The following S100Z variants were observed in gnomAD, a reference collection of about 807,000 sequenced individuals.
S100Z encodes the protein protein S100-Z.
A neutral mutation model predicts 8.5 loss-of-function variants in S100Z; 11 were observed. The ratio of observed to expected loss-of-function variants is 1.30; its 90% confidence interval spans 0.82 to 2.15. The LOEUF is 2.15. S100Z is among the 30% of genes most tolerant of loss of function. The probability of loss-of-function intolerance (pLI) is 0.00; values close to 1 mark genes in which losing one functional copy is unlikely to be tolerated. For missense variants in S100Z, 126 were observed against 117.9 expected, an observed-to-expected ratio of 1.07 and a Z score of -0.32; for synonymous variants, 34 against 43.8, an observed-to-expected ratio of 0.78 and a Z score of 0.89.
At chr5:76,861,670 A>C (rs1751060649) in intron 1 of S100Z, among the ~76,000 whole-genome samples, 1 of 152,146 alleles carries the variant, frequency 6.6e-6, no homozygotes, top group Non-Finnish European at 1.5e-5. Context: ...CCCCCGTCTC[A>C]GAAGTCACTC....
intron 4 of S100Z, among the ~76,000 whole-genome samples, chr5:76,883,564 G>A (rs1039322359): frequency 4.6e-5 from 7 of 152,250 alleles, no homozygotes; most frequent in Admixed American, 2.0e-4. Context: ...AGAAGGAGAC[G>A]GACTTACCCT....
Position 76,874,610 on chromosome 5 carries a change from C to T in S100Z, c.-56-694C>T, listed in dbSNP as rs547377246. On this transcript the variant is annotated intron_variant, in intron 2 of 4. Coordinates refer to ENST00000317593, the MANE Select transcript of S100Z (RefSeq NM_130772.4). ...GGGGAGAACGTTTCCCCCTCCCCCA[C>T]GTATAAATGCTTATAGTTTAATGGT... Among the ~76,000 whole-genome samples the T allele has an allele frequency of 3.3e-5, 5 of 152,232 alleles. No homozygotes were observed. The South Asian group carries it at 1.0e-3, about 32-fold the overall frequency.
chr5:76,935,573 T>C, the S100Z span, among the ~76,000 whole-genome samples: 1 of 152,076 alleles, frequency 6.6e-6, no homozygotes, highest in Non-Finnish European at 1.5e-5. Context: ...TGAGTGAATA[T>C]TGGGGAACAT....
the S100Z span, among the ~76,000 whole-genome samples, chr5:76,927,217 G>C: frequency 1.3e-5 from 2 of 152,160 alleles, no homozygotes; most frequent in East Asian, 1.9e-4. Context: ...TGTGCTCTGG[G>C]GGAGAGGGAT....
At chr5:76,869,239 G>A (rs771022581) in intron 1 of S100Z, among the ~76,000 whole-genome samples, 1 of 151,838 alleles carries the variant, frequency 6.6e-6, no homozygotes, top group Non-Finnish European at 1.5e-5. Flanking sequence ...GGGAACATAC[G>A]GCAGACAAAA....
chr5:76,931,759 T>A, the S100Z span, among the ~76,000 whole-genome samples: 1 of 152,126 alleles, frequency 6.6e-6, no homozygotes, highest in Non-Finnish European at 1.5e-5. Context: ...AAGAACAAGA[T>A]GAGATCACTT....
chr5:76,915,031 C>G (rs1422932631), intron 4 of S100Z, among the ~76,000 whole-genome samples: 1 of 152,222 alleles, frequency 6.6e-6, no homozygotes, highest in Non-Finnish European at 1.5e-5. Flanking sequence ...TAAGGCCGGG[C>G]ACGGTGGCTC....
chr5:76,877,471 G>A lies in S100Z; in HGVS notation c.142-203G>A, dbSNP rs534404602. ...TTCTTGGTTTCTAGGTCTGAGCCAG[G>A]ATTATATGGAGCTGGGGCAGGGGGC... On this transcript the variant is annotated intron_variant, in intron 3 of 4. Transcript: ENST00000317593. Among the ~76,000 whole-genome samples the A allele has an allele frequency of 7.6e-4, 115 of 152,292 alleles. 1 individual carries two copies. The South Asian group carries it at 0.012, about 16-fold the overall frequency.
the S100Z span, among the ~76,000 whole-genome samples, chr5:76,947,653 G>A: frequency 2.6e-5 from 4 of 152,058 alleles, no homozygotes; most frequent in Admixed American, 6.6e-5. Flanking sequence ...TATGGTACAG[G>A]CATAAAGACA....
intron 4 of S100Z, among the ~76,000 whole-genome samples, chr5:76,885,493 A>G (rs1412569162): frequency 1.7e-5 from 2 of 117,462 alleles, no homozygotes; most frequent in Admixed American, 8.1e-5. Context: ...CCCCCAGGAA[A>G]GTAGGAACGG....
At chr5:76,937,636 C>T in the S100Z span, among the ~76,000 whole-genome samples, 1 of 150,842 alleles carries the variant, frequency 6.6e-6, no homozygotes, top group Non-Finnish European at 1.5e-5. Context: ...ATCTGTGGTC[C>T]CAGCTACTCA....
chr5:76,916,350 GCAA>G (rs1270252496), intron 4 of S100Z, among the ~76,000 whole-genome samples: 1 of 151,984 alleles, frequency 6.6e-6, no homozygotes, highest in African/African-American at 2.4e-5. Flanking sequence ...ATTGAAGACT[GCAA>G]CATCCTTCTC....
At chr5:76,908,501 T>C (rs557329862) in intron 4 of S100Z, among the ~76,000 whole-genome samples, 5 of 152,220 alleles carry the variant, frequency 3.3e-5, no homozygotes, top group Non-Finnish European at 5.9e-5. Context: ...ATGAGAATGA[T>C]TTCTCGTATA....
intron 4 of S100Z, among the ~76,000 whole-genome samples, chr5:76,890,962 A>G (rs1743836356): frequency 6.6e-6 from 1 of 152,202 alleles, no homozygotes; most frequent in African/African-American, 2.4e-5. Context: ...TCTGGGTTCA[A>G]GCAATTCTCC....
chr5:76,877,943 T>C, intron 4 of S100Z, 109 bp downstream of exon 4: 1 of 629,120 alleles, frequency 1.6e-6, no homozygotes, highest in Non-Finnish European at 2.8e-6. Flanking sequence ...ATAGCTATAA[T>C]ATCCAGTGCA....
chr5:76,888,568 A>T (rs188764644), intron 4 of S100Z, among the ~76,000 whole-genome samples: 1 of 151,484 alleles, frequency 6.6e-6, no homozygotes, highest in Non-Finnish European at 1.5e-5. Flanking sequence ...GGTAGAGACG[A>T]GGTTTCACCG....
At chr5:76,887,041 A>G (rs139537276) in intron 4 of S100Z, among the ~76,000 whole-genome samples, 5 of 152,154 alleles carry the variant, frequency 3.3e-5, no homozygotes, top group Middle Eastern at 3.4e-3. Flanking sequence ...CAACATCAGT[A>G]ACACTGACAG....
intron 1 of S100Z, among the ~76,000 whole-genome samples, chr5:76,863,630 C>T (rs1305934316): frequency 1.1e-4 from 16 of 152,080 alleles, no homozygotes; most frequent in Non-Finnish European, 2.2e-4. Context: ...GCTCCGCCTC[C>T]CGGGTTCACG....
the S100Z span, among the ~76,000 whole-genome samples, chr5:76,945,829 CG>C: frequency 6.6e-6 from 1 of 152,120 alleles, no homozygotes; most frequent in Non-Finnish European, 1.5e-5. Context: ...TGTTAAGTGC[CG>C]GTCTCCTGGG....
Sources: gnomAD v4.1 joint callset for allele counts (sites outside exome capture counted in the v4.1 genomes callset) on GRCh38, gnomAD v4.1.1 for gene constraint, MANE v1.5 for transcripts, NCBI Gene and HGNC (gene_info 2026-07-23, HGNC 2026-07-21) for gene names.